Variants in PLCG2 observed in about 807,000 individuals in gnomAD.
PLCG2 encodes 1-phosphatidylinositol 4,5-bisphosphate phosphodiesterase gamma-2.
In PLCG2, 69 loss-of-function variants were observed where a neutral mutation model predicts 175.6. That is an observed-to-expected ratio of 0.39 (90% CI 0.32 to 0.48). PLCG2 has a LOEUF of 0.48. Among genes scored for constraint, PLCG2 ranks in the 20% least tolerant of loss-of-function variants. The pLI is 0.91. For missense variants in PLCG2, 1,798 were observed against 1,650.9 expected (o/e 1.09, Z -1.54); for synonymous variants, 827 against 624.0 (o/e 1.33, Z -4.85).
chr16:81,886,271 A>G (rs1908361775), intron 9 of PLCG2, among the ~76,000 whole-genome samples: 1 of 152,234 alleles, frequency 6.6e-6, no homozygotes, highest in African/African-American at 2.4e-5. Flanking sequence ...ATCTGGGGCC[A>G]GGAGAAAGTG....
At chr16:81,863,509 A>C (rs1907083582) in intron 5 of PLCG2, among the ~76,000 whole-genome samples, 1 of 152,344 alleles carries the variant, frequency 6.6e-6, no homozygotes, top group Admixed American at 6.5e-5. Flanking sequence ...TGCTGCGAAC[A>C]TGGGTGTACA....
At position 81,883,265 on chromosome 16, in the gene PLCG2, AT is replaced by A. The variant is rs754571236; in HGVS notation, c.693-3del. The A allele has an allele frequency of 3.7e-6, 6 of 1,613,938 alleles. No homozygotes were observed. In the East Asian group the frequency reaches 1.3e-4, roughly 36 times the overall value. On this transcript the variant is annotated splice_region_variant and splice_polypyrimidine_tract_variant and intron_variant, in intron 8 of 32. Transcript: ENST00000564138. ...CTAACTGCACCCCCTTTCCCCGAGG[AT>A]AGGAACACTGACAGGCCGGATGCCT...
At chr16:81,863,279 A>G (rs1907072104) in intron 5 of PLCG2, among the ~76,000 whole-genome samples, 1 of 152,222 alleles carries the variant, frequency 6.6e-6, no homozygotes, top group Non-Finnish European at 1.5e-5. Context: ...CAGGTACCTC[A>G]TATAAGTGGA....
At position 81,923,471 on chromosome 16, in the gene PLCG2, GT is replaced by G. The variant is rs1567534458; in HGVS notation, c.2308-10del. ...TCCCTGGCCTGACCTTTTCCTTCTT[GT>G]TTTCCCTGAAAGCCTCAGAGAACCG... On this transcript the variant is annotated splice_polypyrimidine_tract_variant and intron_variant, in intron 21 of 32. Coordinates refer to ENST00000564138, the MANE Select transcript of PLCG2 (RefSeq NM_002661.5). 6 of 1,573,132 alleles carry G rather than the reference GT, an allele frequency of 3.8e-6. No homozygotes were observed. Among genetic ancestry groups the G allele is most frequent in the Non-Finnish European group, 5.2e-6 (6 of 1,143,530 alleles).
At chr16:81,761,797 A>C (rs974738600) in intron 2 of PLCG2, among the ~76,000 whole-genome samples, 1 of 151,060 alleles carries the variant, frequency 6.6e-6, no homozygotes, top group Non-Finnish European at 1.5e-5. Context: ...GCAAGCATCC[A>C]TCTAGTCACT....
At chr16:81,811,516 T>G (rs1313515805) in intron 2 of PLCG2, among the ~76,000 whole-genome samples, 1 of 152,036 alleles carries the variant, frequency 6.6e-6, no homozygotes, top group East Asian at 1.9e-4. Context: ...CTATCCCTCC[T>G]CTAGTCCCCC....
intron 5 of PLCG2, among the ~76,000 whole-genome samples, chr16:81,864,415 A>C (rs1401879864): frequency 1.3e-5 from 2 of 152,228 alleles, no homozygotes; most frequent in Non-Finnish European, 2.9e-5. Context: ...CCGTGTGGCT[A>C]GCAGCTACTA....
chr16:81,813,742 A>G (rs4396528), intron 2 of PLCG2, among the ~76,000 whole-genome samples: 151,587 of 152,318 alleles, frequency 1, 75,431 homozygotes, highest in South Asian at 1. Context: ...TTTCTGGGCC[A>G]CCAGTGTTCC....
intron 19 of PLCG2, among the ~76,000 whole-genome samples, chr16:81,916,349 A>G (rs1909842320): frequency 6.6e-6 from 1 of 152,144 alleles, no homozygotes. Flanking sequence ...TTTAAAACAA[A>G]AAGTCTCTCT....
At chr16:81,848,986 G>A (rs1003813157) in intron 2 of PLCG2, among the ~76,000 whole-genome samples, 2 of 152,152 alleles carry the variant, frequency 1.3e-5, no homozygotes, top group African/African-American at 2.4e-5. Context: ...TTTCAGTGGT[G>A]CCAACAACAC....
intron 5 of PLCG2, among the ~76,000 whole-genome samples, chr16:81,865,547 C>G (rs1214852618): frequency 2.0e-5 from 3 of 152,196 alleles, no homozygotes; most frequent in Non-Finnish European, 4.4e-5. Context: ...TGGGTTTTCT[C>G]CACTTGTTCT....
rs1345321916 is a variant in PLCG2 at position 81,961,620 on chromosome 16, G to C, written c.*3622G>C. The C allele has an allele frequency of 4.6e-6, 1 of 216,030 alleles. No homozygotes were observed. The highest frequency in any genetic ancestry group is 1.9e-4 in the South Asian group (1 of 5,376). The allele number at this position is 216,030 out of a possible 1,614,324, so 13.4% of individuals were successfully genotyped here. On this transcript the variant is annotated 3_prime_UTR_variant, in exon 33 of 33. Coordinates refer to ENST00000564138, the MANE Select transcript of PLCG2 (RefSeq NM_002661.5). ...ATTCAAGGAGTAAAAGGAAAAGTGG[G>C]GCATTCCTTGCTACTAAAAATTGCC...
At chr16:81,792,079 TG>T (rs1419054691) in intron 2 of PLCG2, among the ~76,000 whole-genome samples, 2 of 152,222 alleles carry the variant, frequency 1.3e-5, no homozygotes, top group Admixed American at 6.5e-5. Flanking sequence ...GAACTGATGG[TG>T]GCCACCAGCA....
At chr16:81,850,938 A>C (rs1435552342) in intron 2 of PLCG2, among the ~76,000 whole-genome samples, 3 of 152,178 alleles carry the variant, frequency 2.0e-5, no homozygotes, top group Non-Finnish European at 4.4e-5. Flanking sequence ...CGAGGTCTGC[A>C]ATCAGTGGGA....
chr16:81,899,593 C>G (rs1464547182), intron 13 of PLCG2, among the ~76,000 whole-genome samples: 2 of 152,168 alleles, frequency 1.3e-5, no homozygotes, highest in Non-Finnish European at 2.9e-5. Flanking sequence ...AAAGCTTCAA[C>G]AAGTGTCCTC....
chr16:81,864,754 G>A (rs1405487345), intron 5 of PLCG2, among the ~76,000 whole-genome samples: 2 of 152,180 alleles, frequency 1.3e-5, no homozygotes, highest in African/African-American at 2.4e-5. Context: ...GCTGGTAAGT[G>A]TCACGGGGCT....
At chr16:81,773,506 C>T (rs1362019449) in intron 2 of PLCG2, among the ~76,000 whole-genome samples, 1 of 152,180 alleles carries the variant, frequency 6.6e-6, no homozygotes, top group African/African-American at 2.4e-5. Flanking sequence ...CTGAGGCCCA[C>T]CTGTCTCTGT....
intron 22 of PLCG2, among the ~76,000 whole-genome samples, chr16:81,926,413 T>A (rs1910278070): frequency 6.6e-6 from 1 of 152,202 alleles, no homozygotes; most frequent in African/African-American, 2.4e-5. Context: ...CCGGGAGGAA[T>A]CTTAGAGGTG....
At chr16:81,956,644 G>C (rs369072495) in intron 31 of PLCG2, 51 bp from the exon 32 acceptor site, 1 of 1,529,158 alleles carries the variant, frequency 6.5e-7, no homozygotes, top group Non-Finnish European at 8.9e-7. Context: ...TCACATTTTG[G>C]TTTGGAAGGT....
Sources: gnomAD v4.1 joint callset for allele counts (sites outside exome capture counted in the v4.1 genomes callset) on GRCh38, gnomAD v4.1.1 for gene constraint, MANE v1.5 for transcripts, NCBI Gene and HGNC (gene_info 2026-07-23, HGNC 2026-07-21) for gene names.